STAM: variants seen among roughly 807,000 people sequenced by gnomAD.
STAM encodes signal transducing adapter molecule 1.
Under a neutral mutation model 63.4 loss-of-function variants are expected in STAM, and 16 were observed. That is an observed-to-expected ratio of 0.25 (90% CI 0.17 to 0.38). STAM has a LOEUF of 0.38. Ranked by LOEUF, STAM falls within the 10% of genes least tolerant of loss-of-function variation. The pLI is 1.00. For missense variants in STAM, 636 were observed against 657.1 expected (o/e 0.97, Z 0.35); for synonymous variants, 238 against 223.9 (o/e 1.06, Z -0.56).
In STAM at chr10:17,695,185, T is replaced by C; in HGVS notation, c.672T>C (p.Ala224=). 1 of 1,614,060 alleles carries C rather than the reference T, an allele frequency of 6.2e-7. No individual in the cohort carries two copies. Among genetic ancestry groups the C allele is most frequent in the South Asian group, 1.1e-5 (1 of 91,074 alleles). ...GTGCTATATATGACTTTGAAGCTGCTGAAGACAATGAACTTACTTTTAAAG... is the reference window on the plus strand; with the variant it reads ...GTGCTATATATGACTTTGAAGCTGCCGAAGACAATGAACTTACTTTTAAAG... The part of the protein sequence containing the change: ...KVRAIYDFEA[A]EDNELTFKAG... Residue 224 remains alanine (A), a synonymous_variant, in exon 7 of 14, where the codon GCT becomes GCC. Transcript: ENST00000377524.
chr10:17,655,524 T>A (rs1554822039), intron 1 of STAM, among the ~76,000 whole-genome samples: 1 of 152,220 alleles, frequency 6.6e-6, no homozygotes, highest in East Asian at 1.9e-4. Context: ...TGCTGTGATA[T>A]ATAGCAGGTA....
chr10:17,644,423 A>G, intron 1 of STAM, 44 bp downstream of exon 1: 2 of 1,611,898 alleles, frequency 1.2e-6, no homozygotes, highest in Middle Eastern at 1.7e-4. Flanking sequence ...ACCGGACTGC[A>G]CGCTCACTCT....
chr10:17,676,710 G>A (rs1283239278), intron 2 of STAM, among the ~76,000 whole-genome samples: 4 of 152,004 alleles, frequency 2.6e-5, no homozygotes, highest in African/African-American at 9.7e-5. Flanking sequence ...TCTTTCACTC[G>A]CGAAAGGGTA....
rs782037904 is a variant in STAM, at chr10:17,714,785, C to T, written c.*5C>T. The T allele has an allele frequency of 2.7e-5, 43 of 1,612,826 alleles. No homozygotes were observed. The highest frequency in any genetic ancestry group is 4.4e-5 in the South Asian group (4 of 91,034). On this transcript the variant is annotated 3_prime_UTR_variant, in exon 14 of 14. Coordinates refer to ENST00000377524, the MANE Select transcript of STAM (RefSeq NM_003473.4). ...TCTCAGAAGGCTCTGCTATAGGACC[C>T]GGTGTTCCTCTTGGTGGCAGATACC...
In STAM at chr10:17,699,150, C is replaced by T. The variant is rs546809618; in HGVS notation, c.824-1041C>T. The stretch of plus-strand genomic sequence containing the variant: ...GAGCAAGATAGATTGGCATTCAAAT[C>T]CAGGCTTTGTCATTTATTAGCTTTC... On this transcript the variant is annotated intron_variant, in intron 8 of 13. Coordinates refer to ENST00000377524, the MANE Select transcript of STAM (RefSeq NM_003473.4). Among the ~76,000 whole-genome samples, 7 of 152,244 alleles carry T rather than the reference C, an allele frequency of 4.6e-5. No homozygotes were observed. The East Asian group carries it at 1.2e-3, about 25-fold the overall frequency.
At chr10:17,697,077 G>A (rs368598299) in intron 8 of STAM, among the ~76,000 whole-genome samples, 1 of 152,080 alleles carries the variant, frequency 6.6e-6, no homozygotes, top group East Asian at 1.9e-4. Context: ...CCGCCGCCAT[G>A]TCCAGCTGTT....
chr10:17,656,163 A>C (rs1833929990), intron 1 of STAM, among the ~76,000 whole-genome samples: 1 of 151,850 alleles, frequency 6.6e-6, no homozygotes, highest in Non-Finnish European at 1.5e-5. Flanking sequence ...ACGTTGTGGC[A>C]TGTGCCTGTA....
intron 1 of STAM, 95 bp from the exon 2 acceptor site, chr10:17,660,369 C>A: frequency 1.3e-6 from 1 of 782,308 alleles, no homozygotes; most frequent in South Asian, 2.3e-5. Context: ...GTTGTTAAGA[C>A]TTGATTATAC....
intron 1 of STAM, 103 bp downstream of exon 1, chr10:17,644,482 G>T: frequency 7.1e-7 from 1 of 1,412,568 alleles, no homozygotes; most frequent in Non-Finnish European, 9.9e-7. Flanking sequence ...CCAAGGAAGA[G>T]CTCGCTCTTC....
intron 2 of STAM, among the ~76,000 whole-genome samples, chr10:17,662,703 G>T (rs1554823020): frequency 6.6e-6 from 1 of 152,056 alleles, no homozygotes; most frequent in African/African-American, 2.4e-5. Flanking sequence ...TATCTTTCTG[G>T]GCCTTACTTT....
intron 7 of STAM, 30 bp downstream of exon 7, chr10:17,695,271 A>G (rs782147738): frequency 1.3e-6 from 2 of 1,595,272 alleles, no homozygotes; most frequent in African/African-American, 1.3e-5. Context: ...TAAAATTTGT[A>G]TGAAAGTGTG....
intron 2 of STAM, among the ~76,000 whole-genome samples, chr10:17,668,141 G>A (rs1450551346): frequency 1.3e-5 from 2 of 152,208 alleles, no homozygotes; most frequent in Non-Finnish European, 2.9e-5. Context: ...AATTAGGACA[G>A]GAGTGATGTT....
intron 12 of STAM, among the ~76,000 whole-genome samples, chr10:17,706,602 A>G (rs1554829288): frequency 1.3e-5 from 2 of 151,776 alleles, no homozygotes; most frequent in Non-Finnish European, 2.9e-5. Flanking sequence ...GTTGGCCTTG[A>G]TCTCCTGACC....
chr10:17,700,587 A>ATT (rs58878170), intron 9 of STAM, among the ~76,000 whole-genome samples: 91 of 146,142 alleles, frequency 6.2e-4, no homozygotes, highest in Admixed American at 4.4e-3. Flanking sequence ...TAGTAGTGAG[A>ATT]TTTTTTTTTT....
chr10:17,657,850 T>G (rs1305715602), intron 1 of STAM, among the ~76,000 whole-genome samples: 2 of 113,194 alleles, frequency 1.8e-5, no homozygotes, highest in Non-Finnish European at 3.8e-5. Context: ...TTTCTCTCTC[T>G]TTTTTTTTTT....
intron 1 of STAM, among the ~76,000 whole-genome samples, chr10:17,647,471 C>A (rs573892360): frequency 6.6e-6 from 1 of 152,146 alleles, no homozygotes; most frequent in East Asian, 1.9e-4. Flanking sequence ...GAGTGCCCTG[C>A]GGCTCAGTTC....
Position 17,715,718 on chromosome 10 carries a change from A to G in STAM, c.*938A>G, listed in dbSNP as rs1465798036. On this transcript the variant is annotated 3_prime_UTR_variant, in exon 14 of 14. Coordinates refer to ENST00000377524, the MANE Select transcript of STAM (RefSeq NM_003473.4). ...GGCAGTGACACCAAAGATAGAGGCA[A>G]TGGATAGAAATTTTTAAACTGGAAA... is the stretch of plus-strand genomic sequence containing the variant. The G allele has an allele frequency of 2.6e-5, 4 of 152,632 alleles. No homozygotes were observed. The highest frequency in any genetic ancestry group is 9.6e-5 in the African/African-American group (4 of 41,454). The allele number at this position is 152,632 out of a possible 1,614,324, so 9.5% of individuals were successfully genotyped here. A position where few individuals can be genotyped will look rare whatever the true frequency, so the allele number is the denominator to read the frequency against.
chr10:17,676,160 G>C (rs1554824631), intron 2 of STAM, among the ~76,000 whole-genome samples: 1 of 152,192 alleles, frequency 6.6e-6, no homozygotes, highest in Non-Finnish European at 1.5e-5. Flanking sequence ...TTGGATATTT[G>C]TGTGTGAAGA....
chr10:17,701,987 A>G (rs1488659896), intron 9 of STAM, among the ~76,000 whole-genome samples: 1 of 152,188 alleles, frequency 6.6e-6, no homozygotes, highest in South Asian at 2.1e-4. Context: ...ATTTTTAATG[A>G]CAGACCACTG....
Sources: allele counts gnomAD v4.1 joint callset (sites outside exome capture counted in the v4.1 genomes callset), GRCh38; gene constraint gnomAD v4.1.1; transcripts MANE v1.5; gene names NCBI Gene and HGNC (gene_info 2026-07-23, HGNC 2026-07-21).